The following NBDY variants were observed in gnomAD, a reference collection of about 807,000 sequenced individuals.
NBDY encodes the protein negative regulator of P-body association, also known as P-body dissociating protein.
intron 2 of NBDY, among the ~76,000 whole-genome samples, chrX:56,754,277 A>G (rs752011355): frequency 5.4e-5 from 6 of 111,848 alleles, no homozygotes; most frequent in Admixed American, 4.7e-4. Flanking sequence ...TGGATAAGAC[A>G]TGTAAACAGA....
chrX:56,795,646 C>T (rs73626224), intron 2 of NBDY, among the ~76,000 whole-genome samples: 1,330 of 112,340 alleles, frequency 0.012, 17 homozygotes, highest in African/African-American at 0.041. Context: ...ACCACTCTCA[C>T]AAGAGGAACG....
At position 56,729,532 on chromosome X, in the gene NBDY, A is replaced by G. The variant is rs2069447144; in HGVS notation, c.179A>G (p.Lys60Arg). ...SAPPPASAGL[K>R]SHPPPPEK is the part of the protein sequence containing the mutation. ...CCTCCTCCTGCATCAGCCGGCCTGAAGTCGCACCCTCCTCCTCCGGAGAAG... is the reference window on the plus strand; with the variant it reads ...CCTCCTCCTGCATCAGCCGGCCTGAGGTCGCACCCTCCTCCTCCGGAGAAG... Residue 60 changes from lysine (K) to arginine (R), a missense_variant, in exon 1 of 3, where the codon AAG (lysine) becomes AGG (arginine). Physicochemically the swap from Lys to Arg is conservative, Grantham distance 26. Transcript: ENST00000374922. 3.4e-6 allele frequency: 1 copy of G among 296,437 alleles called. No individual in the cohort carries two copies. Among genetic ancestry groups the G allele is most frequent in the Admixed American group, 6.1e-5 (1 of 16,277 alleles). 24.4% of individuals were successfully genotyped at this position (296,437 alleles called of 1,213,427 possible).
At chrX:56,736,661 A>C (rs2069495707) in intron 2 of NBDY, among the ~76,000 whole-genome samples, 1 of 112,895 alleles carries the variant, frequency 8.9e-6, no homozygotes, top group South Asian at 3.6e-4. Context: ...AATCATTTCC[A>C]AAGTGGAAAA....
chrX:56,817,010 G>C (rs1381276268), intron 2 of NBDY, among the ~76,000 whole-genome samples: 2 of 111,693 alleles, frequency 1.8e-5, no homozygotes, highest in African/African-American at 6.5e-5. Context: ...TAAAACAAGA[G>C]TAATAGCGGT....
chrX:56,794,925 C>T lies in NBDY; in HGVS notation c.*167-22395C>T, dbSNP rs1308921410. 2.7e-5 allele frequency among the ~76,000 whole-genome samples: 3 copies of T among 112,254 alleles called. No individual in the cohort carries two copies. In the Admixed American group the frequency reaches 2.8e-4, roughly 11 times the overall value. On this transcript the variant is annotated intron_variant, in intron 2 of 2. Coordinates refer to ENST00000374922, the MANE Select transcript of NBDY (RefSeq NM_001348129.2). ...TTGTGATGGGACTGGATGGGAGGGACTCTTGTCTGAGACCTTCAGCGACCT... is the reference window on the plus strand; with the variant it reads ...TTGTGATGGGACTGGATGGGAGGGATTCTTGTCTGAGACCTTCAGCGACCT...
At chrX:56,789,156 G>A (rs976025196) in intron 2 of NBDY, among the ~76,000 whole-genome samples, 1 of 112,907 alleles carries the variant, frequency 8.9e-6, no homozygotes, top group Non-Finnish European at 1.9e-5. Context: ...AAGAAACAAC[G>A]AAGAAACTGG....
chrX:56,786,524 T>G (rs969861283), intron 2 of NBDY, among the ~76,000 whole-genome samples: 2 of 111,043 alleles, frequency 1.8e-5, no homozygotes, highest in African/African-American at 6.6e-5. Flanking sequence ...TCCTCTTTTT[T>G]ATCCTCTTGC....
At chrX:56,782,294 TC>T in intron 2 of NBDY, among the ~76,000 whole-genome samples, 1 of 111,069 alleles carries the variant, frequency 9.0e-6, no homozygotes, top group Non-Finnish European at 1.9e-5. Context: ...CTCTTCCTCC[TC>T]CATCTTCTCC....
chrX:56,751,928 C>A (rs1475246841), intron 2 of NBDY, among the ~76,000 whole-genome samples: 1 of 112,038 alleles, frequency 8.9e-6, no homozygotes, highest in African/African-American at 3.2e-5. Flanking sequence ...ATGTTTAGAT[C>A]CCACTTATAA....
At chrX:56,739,131 GA>G (rs774639665) in intron 2 of NBDY, among the ~76,000 whole-genome samples, 3 of 99,931 alleles carry the variant, frequency 3.0e-5, no homozygotes, top group Admixed American at 2.2e-4. Flanking sequence ...GCCTTTGGGA[GA>G]AAAAAAAAGC....
intron 2 of NBDY, among the ~76,000 whole-genome samples, chrX:56,802,736 T>C (rs2069830053): frequency 8.9e-6 from 1 of 112,871 alleles, no homozygotes; most frequent in Admixed American, 9.3e-5. Flanking sequence ...GCCATGATTA[T>C]GTATCATTTG....
intron 2 of NBDY, among the ~76,000 whole-genome samples, chrX:56,738,565 G>T (rs749994171): frequency 4.5e-5 from 5 of 111,841 alleles, no homozygotes; most frequent in Non-Finnish European, 7.5e-5. Flanking sequence ...TAGGGTTCCC[G>T]CAACCTCTCT....
intron 2 of NBDY, among the ~76,000 whole-genome samples, chrX:56,737,978 G>T (rs1289931627): frequency 9.0e-6 from 1 of 111,392 alleles, no homozygotes; most frequent in Non-Finnish European, 1.9e-5. Context: ...TCAGAATGAT[G>T]ATTTCCTCTT....
intron 2 of NBDY, among the ~76,000 whole-genome samples, chrX:56,750,562 G>A (rs900359175): frequency 1.8e-5 from 2 of 111,163 alleles, no homozygotes; most frequent in African/African-American, 6.5e-5. Context: ...TGCTCTTTCT[G>A]TGTGATTGCC....
At chrX:56,760,072 G>T (rs1333994960) in intron 2 of NBDY, among the ~76,000 whole-genome samples, 10 of 112,526 alleles carry the variant, frequency 8.9e-5, no homozygotes, top group African/African-American at 3.2e-4. Context: ...TGGTCTTGAG[G>T]CTGCCGGGTT....
At chrX:56,766,415 AACAC>A (rs1035165513) in intron 2 of NBDY, among the ~76,000 whole-genome samples, 4 of 111,395 alleles carry the variant, frequency 3.6e-5, no homozygotes, top group African/African-American at 9.8e-5. Context: ...TAAAATCACA[AACAC>A]ACACACAGAG....
intron 2 of NBDY, among the ~76,000 whole-genome samples, chrX:56,785,354 G>A (rs888507104): frequency 9.0e-6 from 1 of 111,039 alleles, no homozygotes; most frequent in African/African-American, 3.3e-5. Context: ...AGAGGACCTC[G>A]TTTTTAACTT....
At chrX:56,798,797 G>C (rs940224752) in intron 2 of NBDY, among the ~76,000 whole-genome samples, 1 of 112,207 alleles carries the variant, frequency 8.9e-6, no homozygotes, top group South Asian at 3.7e-4. Flanking sequence ...CCAGCCTACT[G>C]GTCCTTGGTC....
intron 2 of NBDY, among the ~76,000 whole-genome samples, chrX:56,786,780 T>G (rs1334638106): frequency 1.8e-5 from 2 of 111,059 alleles, no homozygotes; most frequent in Non-Finnish European, 3.8e-5. Context: ...GGAGACTGCT[T>G]CTTCTTTTGC....
Sources: allele counts gnomAD v4.1 joint callset (sites outside exome capture counted in the v4.1 genomes callset), GRCh38; gene constraint gnomAD v4.1.1; transcripts MANE v1.5; gene names NCBI Gene and HGNC (gene_info 2026-07-23, HGNC 2026-07-21).